RNF150: variants seen among roughly 807,000 people sequenced by gnomAD.
RNF150 encodes ring finger protein 150.
Under a neutral mutation model 39.3 loss-of-function variants are expected in RNF150, and 24 were observed. That is an observed-to-expected ratio of 0.61 (90% confidence interval 0.44 to 0.86). RNF150 has a LOEUF of 0.86. Ranked by LOEUF, RNF150 falls within the 40% of genes least tolerant of loss-of-function variation. RNF150 has a pLI of 0.00. For missense variants in RNF150, 502 were observed against 587.8 expected (o/e 0.85, Z 1.51); for synonymous variants, 255 against 227.3 (o/e 1.12, Z -1.10).
At chr4:140,938,454 G>C (rs1349818175) in intron 4 of RNF150, among the ~76,000 whole-genome samples, 1 of 152,120 alleles carries the variant, frequency 6.6e-6, no homozygotes, top group Non-Finnish European at 1.5e-5. Context: ...AAGGATCCAA[G>C]ATATGAATCC....
intron 2 of RNF150, among the ~76,000 whole-genome samples, chr4:140,963,021 T>C (rs1733100252): frequency 6.6e-6 from 1 of 152,000 alleles, no homozygotes; most frequent in Admixed American, 6.6e-5. Context: ...TCAATATATA[T>C]AGATAGAATT....
At chr4:141,075,303 G>A (rs992303350) in intron 1 of RNF150, among the ~76,000 whole-genome samples, 3 of 150,366 alleles carry the variant, frequency 2.0e-5, no homozygotes, top group South Asian at 4.2e-4. Flanking sequence ...CCAGTAAAAC[G>A]TTATTCACAA....
intron 1 of RNF150, among the ~76,000 whole-genome samples, chr4:141,026,421 A>G (rs1735698458): frequency 6.6e-6 from 1 of 152,220 alleles, no homozygotes; most frequent in Non-Finnish European, 1.5e-5. Flanking sequence ...GTGAGGCACA[A>G]GTTAAGTGTT....
chr4:141,163,497 C>A (rs1440373734), intron 1 of RNF150, among the ~76,000 whole-genome samples: 2 of 152,194 alleles, frequency 1.3e-5, no homozygotes, highest in South Asian at 4.1e-4. Flanking sequence ...GGGCCCTGTG[C>A]CTCCTGACTG....
intron 1 of RNF150, among the ~76,000 whole-genome samples, chr4:141,198,733 T>C (rs535572429): frequency 1.3e-5 from 2 of 152,340 alleles, no homozygotes; most frequent in Admixed American, 1.3e-4. Context: ...GTTTTATTGC[T>C]CAGTTTGGGG....
In RNF150 at chr4:140,883,868, T is replaced by G. The variant is rs562294089; in HGVS notation, c.1199-15489A>C. Among the ~76,000 whole-genome samples the G allele has an allele frequency of 3.5e-4, 54 of 152,314 alleles. 1 individual carries two copies. The highest frequency in any genetic ancestry group is 1.3e-3 in the African/African-American group (52 of 41,586). On this transcript the variant is annotated intron_variant, in intron 6 of 6. Coordinates refer to ENST00000515673, the MANE Select transcript of RNF150 (RefSeq NM_020724.2). Reference sequence around the variant, plus strand: ...TCAGCCATTATGCCTTTGAAGAAGCTCTTTGACCCTTTCTCTCTCCCTTTT... The same window carrying G: ...TCAGCCATTATGCCTTTGAAGAAGCGCTTTGACCCTTTCTCTCTCCCTTTT...
chr4:140,952,916 T>A (rs999265155), intron 2 of RNF150, among the ~76,000 whole-genome samples: 1 of 152,158 alleles, frequency 6.6e-6, no homozygotes, highest in Non-Finnish European at 1.5e-5. Flanking sequence ...CATGGAAGAT[T>A]ACTCACACAA....
chr4:141,177,401 G>A (rs1428848140), intron 1 of RNF150, among the ~76,000 whole-genome samples: 1 of 152,112 alleles, frequency 6.6e-6, no homozygotes, highest in Non-Finnish European at 1.5e-5. Flanking sequence ...GTACATTGGT[G>A]TAGAATGTAA....
chr4:141,186,104 T>C (rs1728003574), intron 1 of RNF150, among the ~76,000 whole-genome samples: 1 of 152,250 alleles, frequency 6.6e-6, no homozygotes, highest in Non-Finnish European at 1.5e-5. Context: ...TCAGAAGGAA[T>C]GGTACCAGCT....
chr4:141,004,109 T>C (rs1299105136), intron 1 of RNF150, among the ~76,000 whole-genome samples: 1 of 152,162 alleles, frequency 6.6e-6, no homozygotes, highest in Non-Finnish European at 1.5e-5. Context: ...CGAACTTCTA[T>C]TGAGCATTTA....
rs191925178 is a variant in RNF150, at chr4:140,860,356, G to A, written c.*7905C>T. On this transcript the variant is annotated 3_prime_UTR_variant, in exon 7 of 7. Coordinates refer to ENST00000515673, the MANE Select transcript of RNF150 (RefSeq NM_020724.2). ...ACATAATTCACTAGTACTTATTTCG[G>A]CAATTAAGAACTGAAGTCCAAATGA... The A allele has an allele frequency of 6.6e-6, 1 of 152,156 alleles. No individual in the cohort carries two copies. Among genetic ancestry groups the A allele is most frequent in the African/African-American group, 2.4e-5 (1 of 41,500 alleles). 9.4% of individuals were successfully genotyped at this position (152,156 alleles called of 1,614,324 possible). A position where few individuals can be genotyped will look rare whatever the true frequency, so the allele number is the denominator to read the frequency against.
chr4:141,175,642 A>T (rs1325425350), intron 1 of RNF150, among the ~76,000 whole-genome samples: 1 of 152,212 alleles, frequency 6.6e-6, no homozygotes. Context: ...CAAAGAGGTC[A>T]TGATTGATTG....
chr4:141,055,058 G>A (rs1736917074), intron 1 of RNF150, among the ~76,000 whole-genome samples: 1 of 152,086 alleles, frequency 6.6e-6, no homozygotes, highest in South Asian at 2.1e-4. Context: ...TTTTAGCTCA[G>A]AAATTGGTAA....
At position 141,132,332 on chromosome 4, in the gene RNF150, G is replaced by A. The variant is rs1297256522; in HGVS notation, c.477C>T (p.Pro159=). The A allele has an allele frequency of 1.3e-6, 2 of 1,577,418 alleles. No homozygotes were observed. The highest frequency in any genetic ancestry group is 1.7e-6 in the Non-Finnish European group (2 of 1,161,622). Residue 159 remains proline, a synonymous_variant, in exon 1 of 7, where the codon CCC becomes CCT. Coordinates refer to ENST00000515673, the MANE Select transcript of RNF150 (RefSeq NM_020724.2). The surrounding 1 kb of genome is among the most constrained non-coding windows in gnomAD (Gnocchi z 4.9). ...GCCCGCTGGGCCACTCACCCGCGTG[G>A]GGCATGGTGATGGTCTCGTTGGTGT... ...GSNTNETITM[P]HAGVEDIVAI...
At chr4:141,185,817 C>T (rs900418421) in intron 1 of RNF150, among the ~76,000 whole-genome samples, 13 of 151,858 alleles carry the variant, frequency 8.6e-5, no homozygotes, top group Non-Finnish European at 1.8e-4. Flanking sequence ...GCTCTGTTTA[C>T]GTGATGAATT....
intron 1 of RNF150, among the ~76,000 whole-genome samples, chr4:141,201,094 AT>A (rs71250019): frequency 0.29 from 43,603 of 151,732 alleles, 6,596 homozygotes; most frequent in African/African-American, 0.39. Flanking sequence ...ATTATTTCAG[AT>A]CTTTACCAAT....
At chr4:141,098,582 G>A (rs1352585350) in intron 1 of RNF150, among the ~76,000 whole-genome samples, 1 of 152,126 alleles carries the variant, frequency 6.6e-6, no homozygotes, top group Non-Finnish European at 1.5e-5. Flanking sequence ...TTTTGATGGG[G>A]GCACTTGGAA....
intron 1 of RNF150, among the ~76,000 whole-genome samples, chr4:141,173,396 A>T (rs1449493070): frequency 1.3e-5 from 2 of 152,212 alleles, no homozygotes; most frequent in African/African-American, 2.4e-5. Flanking sequence ...TAAAAGAGAG[A>T]TGAGCATTGT....
intron 1 of RNF150, among the ~76,000 whole-genome samples, chr4:141,003,999 C>T (rs1445338978): frequency 6.6e-6 from 1 of 152,072 alleles, no homozygotes; most frequent in African/African-American, 2.4e-5. Flanking sequence ...AAGTTGTATA[C>T]CAGAAACCAA....
Sources: allele counts gnomAD v4.1 joint callset (sites outside exome capture counted in the v4.1 genomes callset), GRCh38; gene constraint gnomAD v4.1.1; non-coding constraint Gnocchi (gnomAD v3.1); transcripts MANE v1.5; gene names NCBI Gene and HGNC (gene_info 2026-07-23, HGNC 2026-07-21).